The following PCDHA4 variants were observed in gnomAD, a reference collection of about 807,000 sequenced individuals.
PCDHA4 encodes the protein protocadherin alpha 4, also known as protocadherin alpha-4.
In PCDHA4, 49 loss-of-function variants were observed where a neutral mutation model predicts 61.4. That is an observed-to-expected ratio of 0.80 (90% CI 0.63 to 1.01). The LOEUF is 1.01. Among genes scored for constraint, PCDHA4 ranks in the 50% least tolerant of loss-of-function variants. The pLI is 0.00. For missense variants in PCDHA4, 1,254 were observed against 1,235.8 expected (o/e 1.01, Z -0.22); for synonymous variants, 590 against 550.3 (o/e 1.07, Z -1.01).
rs782371814 is a variant in PCDHA4 at position 140,882,829 on chromosome 5, G to A, written c.2385+73257G>A. On this transcript the variant is annotated intron_variant, in intron 1 of 3. Transcript: ENST00000530339. Reference sequence around the variant, plus strand: ...CTTTGGACGCACAAAACAGTCTTGAGCAAATGTCTTCATTATCACTTGTAC... The same window carrying A: ...CTTTGGACGCACAAAACAGTCTTGAACAAATGTCTTCATTATCACTTGTAC... The A allele has an allele frequency of 5.6e-6, 9 of 1,614,206 alleles. No homozygotes were observed. The South Asian group carries it at 8.8e-5, about 16-fold the overall frequency.
intron 1 of PCDHA4, among the ~76,000 whole-genome samples, chr5:140,964,743 T>C (rs1373954630): frequency 6.7e-6 from 1 of 150,048 alleles, no homozygotes; most frequent in Non-Finnish European, 1.5e-5. Flanking sequence ...ACAGAATTAT[T>C]GTAGGGATGT....
intron 1 of PCDHA4, chr5:140,843,436 C>A (rs2150359840): frequency 1.9e-6 from 3 of 1,596,080 alleles, no homozygotes; most frequent in East Asian, 2.2e-5. Flanking sequence ...TCGCCATCTG[C>A]GCGGTATCCA....
At chr5:140,863,363 TG>T (rs1554158141) in intron 1 of PCDHA4, 2 of 1,206,158 alleles carry the variant, frequency 1.7e-6, no homozygotes, top group Non-Finnish European at 1.2e-6. Context: ...CTGCGGTGCT[TG>T]GCGCAGCTCA....
chr5:140,929,167 T>G (rs781804558), intron 1 of PCDHA4: 2 of 1,614,144 alleles, frequency 1.2e-6, no homozygotes, highest in Non-Finnish European at 1.7e-6. Context: ...CTATCGGGCC[T>G]CTCTGGGACT....
intron 3 of PCDHA4, among the ~76,000 whole-genome samples, chr5:140,994,104 T>C (rs1356172498): frequency 6.6e-6 from 1 of 152,210 alleles, no homozygotes; most frequent in Non-Finnish European, 1.5e-5. Context: ...ATGGAAATAT[T>C]ACATTGTCAT....
intron 1 of PCDHA4, among the ~76,000 whole-genome samples, chr5:140,913,040 G>T (rs1554195697): frequency 1.3e-5 from 2 of 152,022 alleles, no homozygotes; most frequent in African/African-American, 4.8e-5. Flanking sequence ...AGATATATTG[G>T]CCTGGAGTTT....
At chr5:140,980,354 G>A (rs1387213682) in intron 2 of PCDHA4, among the ~76,000 whole-genome samples, 1 of 152,138 alleles carries the variant, frequency 6.6e-6, no homozygotes, top group Non-Finnish European at 1.5e-5. Flanking sequence ...TTCCTGGACT[G>A]GGCGCGGTGG....
At chr5:141,003,095 T>C (rs1245011518) in intron 3 of PCDHA4, among the ~76,000 whole-genome samples, 3 of 152,258 alleles carry the variant, frequency 2.0e-5, no homozygotes, top group African/African-American at 7.2e-5. Flanking sequence ...AGGCCTGGCA[T>C]TTGCTTCACA....
chr5:140,869,476 G>T (rs530490517), intron 1 of PCDHA4: 1 of 1,614,194 alleles, frequency 6.2e-7, no homozygotes, highest in African/African-American at 1.3e-5. Flanking sequence ...GGAGGTGAAG[G>T]ACATTAACGA....
chr5:140,966,859 G>A, intron 1 of PCDHA4: 1 of 1,577,136 alleles, frequency 6.3e-7, no homozygotes. Flanking sequence ...TCCTGCTGCT[G>A]TTGCTGCTGC....
At chr5:140,908,185 G>C (rs1399259532) in intron 1 of PCDHA4, among the ~76,000 whole-genome samples, 1 of 152,148 alleles carries the variant, frequency 6.6e-6, no homozygotes, top group East Asian at 1.9e-4. Flanking sequence ...TCCACTTTCA[G>C]GTGGTGGACA....
At position 141,010,004 on chromosome 5, in the gene PCDHA4, A is replaced by T; in HGVS notation, c.*67A>T. 1 of 1,573,418 alleles carries T rather than the reference A, an allele frequency of 6.4e-7. No individual in the cohort carries two copies. The highest frequency in any genetic ancestry group is 8.6e-7 in the Non-Finnish European group (1 of 1,163,824). ...TAATGGCAAATCTCTCCCATGTAGC[A>T]ATTCCCTGCTCCTTTTTCCTATCTA... On this transcript the variant is annotated 3_prime_UTR_variant, in exon 4 of 4. Transcript: ENST00000530339.
In PCDHA4 at chr5:140,850,849, G is replaced by A. The variant is rs2150500367; in HGVS notation, c.2385+41277G>A. On this transcript the variant is annotated intron_variant, in intron 1 of 3. Coordinates refer to ENST00000530339, the MANE Select transcript of PCDHA4 (RefSeq NM_018907.4). ...TCTCCTTGTGCTGGATCTACAGAGC[G>A]AACGGGAGAACCCTCTGCTTCCTCA... The A allele has an allele frequency of 8.1e-6, 13 of 1,596,194 alleles. 3 individuals are homozygous for A. Among genetic ancestry groups the A allele is most frequent in the East Asian group, 2.2e-5 (1 of 44,844 alleles).
intron 1 of PCDHA4, chr5:140,848,571 G>A: frequency 6.3e-7 from 1 of 1,595,628 alleles, no homozygotes; most frequent in South Asian, 1.1e-5. Context: ...AATGTGGGTG[G>A]TGGGGAGCGG....
intron 1 of PCDHA4, among the ~76,000 whole-genome samples, chr5:140,948,964 T>C (rs2094329348): frequency 6.6e-6 from 1 of 151,790 alleles, no homozygotes; most frequent in Non-Finnish European, 1.5e-5. Context: ...AGCCACGAAT[T>C]TATTAGTATG....
intron 1 of PCDHA4, chr5:140,927,385 C>G: frequency 6.2e-7 from 1 of 1,614,098 alleles, no homozygotes; most frequent in East Asian, 2.2e-5. Flanking sequence ...CAGCCTAAGC[C>G]CCAGTCAGCA....
At chr5:140,947,209 A>C (rs1462777257) in intron 1 of PCDHA4, among the ~76,000 whole-genome samples, 2 of 151,580 alleles carry the variant, frequency 1.3e-5, no homozygotes, top group Non-Finnish European at 3.0e-5. Flanking sequence ...AAAAAAAGAA[A>C]ATCCTGTCAT....
Position 140,823,308 on chromosome 5 carries a change from G to A in PCDHA4, c.2385+13736G>A, listed in dbSNP as rs2150124552. Reference sequence around the variant, plus strand: ...TGTCGAGTTACGTTTCGGTGCACGCGGAGAGCGGCAAGGTGTACGCGCTGC... The same window carrying A: ...TGTCGAGTTACGTTTCGGTGCACGCAGAGAGCGGCAAGGTGTACGCGCTGC... On this transcript the variant is annotated intron_variant, in intron 1 of 3. Transcript: ENST00000530339. The A allele has an allele frequency of 5.6e-6, 9 of 1,612,200 alleles. No homozygotes were observed. In the Admixed American group the frequency reaches 6.7e-5, roughly 12 times the overall value.
Position 140,982,836 on chromosome 5 carries a change from T to C in PCDHA4, c.2533+273T>C, listed in dbSNP as rs2097010696. 2.6e-5 allele frequency among the ~76,000 whole-genome samples: 4 copies of C among 152,244 alleles called. No individual in the cohort carries two copies. The South Asian group carries it at 8.3e-4, about 32-fold the overall frequency. ...ATGAAGTTTTTGGGGTTTGTTTGTT[T>C]GTTTAAATCAGGTACCTTTCAAATG... On this transcript the variant is annotated intron_variant, in intron 3 of 3. Coordinates refer to ENST00000530339, the MANE Select transcript of PCDHA4 (RefSeq NM_018907.4).
Sources: gnomAD v4.1 joint callset for allele counts (sites outside exome capture counted in the v4.1 genomes callset) on GRCh38, gnomAD v4.1.1 for gene constraint, MANE v1.5 for transcripts, NCBI Gene and HGNC (gene_info 2026-07-23, HGNC 2026-07-21) for gene names.